Variants in PEBP4 observed in about 807,000 individuals in gnomAD.
The protein encoded by PEBP4 is phosphatidylethanolamine binding protein 4, also known as phosphatidylethanolamine-binding protein 4.
Under a neutral mutation model 23.9 loss-of-function variants are expected in PEBP4, and 22 were observed. That is an observed-to-expected ratio of 0.92 (90% CI 0.66 to 1.31). The LOEUF is 1.31. Among genes scored for constraint, PEBP4 ranks in the 40% most tolerant of loss-of-function variants. The pLI is 0.00. For synonymous variants in PEBP4, 112 were observed against 99.3 expected (o/e 1.13, Z -0.76); for missense variants, 324 against 281.7 (o/e 1.15, Z -1.07).
At chr8:22,922,234 A>G (rs936964805) in intron 2 of PEBP4, among the ~76,000 whole-genome samples, 23 of 152,102 alleles carry the variant, frequency 1.5e-4, no homozygotes, top group African/African-American at 5.3e-4. Context: ...GGAAAGGGGC[A>G]TGTGCAGGCC....
Position 22,830,964 on chromosome 8 carries a change from C to T in PEBP4, c.259-13229G>A, listed in dbSNP as rs560239333. Reference sequence around the variant, plus strand: ...ATCCTTCTCTGGCTTCCCTTGGATCCTTAATGTGTTCTACAAGGTGTTGCA... The same window carrying T: ...ATCCTTCTCTGGCTTCCCTTGGATCTTTAATGTGTTCTACAAGGTGTTGCA... On this transcript the variant is annotated intron_variant, in intron 3 of 6. Transcript: ENST00000256404. Among the ~76,000 whole-genome samples, 53 of 152,328 alleles carry T rather than the reference C, an allele frequency of 3.5e-4. 1 individual carries two copies. The highest frequency in any genetic ancestry group is 3.7e-4 in the Non-Finnish European group (25 of 68,036).
chr8:22,811,279 A>G (rs149332429), intron 4 of PEBP4, among the ~76,000 whole-genome samples: 53 of 152,356 alleles, frequency 3.5e-4, no homozygotes, highest in African/African-American at 1.2e-3. Context: ...CACTGCTCAC[A>G]TGGATAACAG....
chr8:22,832,625 C>T (rs896408622), intron 3 of PEBP4, among the ~76,000 whole-genome samples: 7 of 152,170 alleles, frequency 4.6e-5, no homozygotes, highest in Admixed American at 6.5e-5. Flanking sequence ...CTTTGCGTGT[C>T]TGCCTTTCCC....
intron 6 of PEBP4, among the ~76,000 whole-genome samples, chr8:22,722,675 T>C (rs1417930996): frequency 6.6e-6 from 1 of 152,214 alleles, no homozygotes; most frequent in Non-Finnish European, 1.5e-5. Flanking sequence ...CCCTTGATTG[T>C]GTCTCCTCTG....
At chr8:22,724,990 A>G (rs369354075) in intron 5 of PEBP4, 34 bp from the exon 6 acceptor site, 1 of 1,548,426 alleles carries the variant, frequency 6.5e-7, no homozygotes, top group South Asian at 1.1e-5. Context: ...GTGAGCATCA[A>G]CATCCCATAC....
intron 3 of PEBP4, among the ~76,000 whole-genome samples, chr8:22,863,152 A>G (rs1807817346): frequency 6.6e-6 from 1 of 152,116 alleles, no homozygotes; most frequent in African/African-American, 2.4e-5. Flanking sequence ...GTTGGCAGTG[A>G]AAGGCGGCTG....
At chr8:22,726,277 G>A (rs1267500241) in intron 5 of PEBP4, among the ~76,000 whole-genome samples, 1 of 152,212 alleles carries the variant, frequency 6.6e-6, no homozygotes, top group East Asian at 1.9e-4. Flanking sequence ...GTGTGCTTAG[G>A]TATGGAGGGC....
At chr8:22,922,727 A>G (rs530985384) in intron 2 of PEBP4, among the ~76,000 whole-genome samples, 4 of 151,908 alleles carry the variant, frequency 2.6e-5, no homozygotes, top group African/African-American at 4.8e-5. Context: ...CCCTATCTCA[A>G]AAACAACTTG....
chr8:22,764,424 T>C (rs1253158443), intron 4 of PEBP4, among the ~76,000 whole-genome samples: 1 of 152,000 alleles, frequency 6.6e-6, no homozygotes, highest in Non-Finnish European at 1.5e-5. Flanking sequence ...CGCTTCAGGG[T>C]GCACTAAGTT....
intron 3 of PEBP4, among the ~76,000 whole-genome samples, chr8:22,855,250 G>A (rs116718007): frequency 2.1e-3 from 320 of 152,208 alleles, no homozygotes; most frequent in African/African-American, 6.9e-3. Flanking sequence ...TGAATGTGTC[G>A]GTGCACGGGT....
intron 4 of PEBP4, among the ~76,000 whole-genome samples, chr8:22,732,146 G>C (rs898753195): frequency 1.4e-5 from 2 of 145,268 alleles, no homozygotes; most frequent in Non-Finnish European, 3.1e-5. Flanking sequence ...GGACATTCTG[G>C]GCCTTCTAAG....
rs562411427 is a variant in PEBP4, at chr8:22,874,798, G to A, written c.258+45386C>T. Among the ~76,000 whole-genome samples the A allele has an allele frequency of 3.9e-5, 6 of 152,300 alleles. No homozygotes were observed. The East Asian group carries it at 1.2e-3, about 29-fold the overall frequency. On this transcript the variant is annotated intron_variant, in intron 3 of 6. Coordinates refer to ENST00000256404, the MANE Select transcript of PEBP4 (RefSeq NM_144962.3). ...TGAATAAATATGTATAAAATGTAAT[G>A]CTGCAAAGAAAATCCGATAACTGAA...
At chr8:22,723,411 C>T (rs1208262295) in intron 6 of PEBP4, among the ~76,000 whole-genome samples, 1 of 152,138 alleles carries the variant, frequency 6.6e-6, no homozygotes, top group Admixed American at 6.5e-5. Flanking sequence ...TCCCGATGCT[C>T]TATCCTTCCC....
intron 3 of PEBP4, among the ~76,000 whole-genome samples, chr8:22,872,891 G>T (rs893067379): frequency 6.6e-6 from 1 of 152,014 alleles, no homozygotes; most frequent in Non-Finnish European, 1.5e-5. Context: ...TGGCAAGGCT[G>T]GTCTCGAACT....
At chr8:22,826,899 TG>T (rs2128763366) in intron 3 of PEBP4, among the ~76,000 whole-genome samples, 1 of 152,252 alleles carries the variant, frequency 6.6e-6, no homozygotes, top group African/African-American at 2.4e-5. Context: ...TAAAATAACG[TG>T]GAATGTGCAG....
chr8:22,929,912 C>T (rs2457428), upstream of PEBP4, among the ~76,000 whole-genome samples: 55,815 of 152,036 alleles, frequency 0.37, 11,685 homozygotes, highest in East Asian at 0.6. Flanking sequence ...TGCATTGTTG[C>T]CCAGGCTGGT....
chr8:22,783,391 A>C (rs894429071), intron 4 of PEBP4, among the ~76,000 whole-genome samples: 1 of 152,180 alleles, frequency 6.6e-6, no homozygotes, highest in Non-Finnish European at 1.5e-5. Flanking sequence ...CCTTTGGCTT[A>C]AGGCTCGACT....
intron 4 of PEBP4, among the ~76,000 whole-genome samples, chr8:22,732,990 C>T (rs1158374590): frequency 6.6e-6 from 1 of 152,206 alleles, no homozygotes; most frequent in East Asian, 1.9e-4. Context: ...TCTTCCCAGA[C>T]TTGTCCCGTC....
chr8:22,914,803 T>C (rs868265794), intron 3 of PEBP4, among the ~76,000 whole-genome samples: 7 of 152,230 alleles, frequency 4.6e-5, no homozygotes, highest in Admixed American at 6.5e-5. Flanking sequence ...TGTGCAGAAG[T>C]CGGTGCCAAT....
Sources: allele counts gnomAD v4.1 joint callset (sites outside exome capture counted in the v4.1 genomes callset), GRCh38; gene constraint gnomAD v4.1.1; transcripts MANE v1.5; gene names NCBI Gene and HGNC (gene_info 2026-07-23, HGNC 2026-07-21).